Variants in SLC30A6 observed in about 807,000 individuals in gnomAD.
The protein encoded by SLC30A6 is zinc transporter 6.
A neutral mutation model predicts 63.0 loss-of-function variants in SLC30A6; 55 were observed. The ratio of observed to expected loss-of-function variants is 0.87; its 90% CI spans 0.70 to 1.09. The LOEUF (loss-of-function observed/expected upper bound fraction) is 1.09, where lower values mean the gene tolerates loss of function less well. SLC30A6 is among the 50% of genes least tolerant of loss of function. SLC30A6 has a pLI of 0.00. For missense variants in SLC30A6, 587 were observed against 549.2 expected, an observed-to-expected ratio of 1.07 and a Z score of -0.69; for synonymous variants, 224 against 186.1, an observed-to-expected ratio of 1.20 and a Z score of -1.66.
At chr2:32,187,195 T>A (rs1682913572) in intron 5 of SLC30A6, 1 of 470,968 alleles carries the variant, frequency 2.1e-6, no homozygotes, top group South Asian at 1.5e-5. Flanking sequence ...TCAGACCACT[T>A]TTCTCCACCA....
At chr2:32,219,810 G>A (rs970426640) in intron 13 of SLC30A6, among the ~76,000 whole-genome samples, 2 of 152,138 alleles carry the variant, frequency 1.3e-5, no homozygotes, top group African/African-American at 4.8e-5. Flanking sequence ...TTTTCCCTCA[G>A]TGTGGAATGC....
At chr2:32,206,525 A>G (rs1215742384) in intron 11 of SLC30A6, among the ~76,000 whole-genome samples, 1 of 152,022 alleles carries the variant, frequency 6.6e-6, no homozygotes, top group African/African-American at 2.4e-5. Flanking sequence ...CTTTTCCAAG[A>G]CTTAGGGCAG....
At chr2:32,186,443 C>G (rs373006746) in intron 5 of SLC30A6, among the ~76,000 whole-genome samples, 2 of 152,146 alleles carry the variant, frequency 1.3e-5, no homozygotes, top group Non-Finnish European at 2.9e-5. Flanking sequence ...CCCGGGACTT[C>G]GGGAGGCCAA....
chr2:32,204,889 C>T (rs1354212566), intron 11 of SLC30A6, among the ~76,000 whole-genome samples, 197 bp downstream of exon 11: 1 of 147,854 alleles, frequency 6.8e-6, no homozygotes, highest in African/African-American at 2.5e-5. Flanking sequence ...TCTCGGCTCA[C>T]TGCCGCCTTG....
intron 5 of SLC30A6, among the ~76,000 whole-genome samples, chr2:32,186,327 T>C (rs1682809616): frequency 6.6e-6 from 1 of 152,206 alleles, no homozygotes; most frequent in African/African-American, 2.4e-5. Context: ...ATCACTATGA[T>C]AATCAGTTGT....
At chr2:32,178,599 G>A (rs1212100126) in intron 4 of SLC30A6, among the ~76,000 whole-genome samples, 1 of 152,176 alleles carries the variant, frequency 6.6e-6, no homozygotes, top group Admixed American at 6.5e-5. Context: ...CTTGAACCTG[G>A]TGGGACAGAG....
intron 5 of SLC30A6, among the ~76,000 whole-genome samples, chr2:32,191,609 A>C (rs1190843871): frequency 2.0e-5 from 3 of 152,234 alleles, no homozygotes; most frequent in Non-Finnish European, 4.4e-5. Context: ...GCAGTATAAT[A>C]AGTGGTTAAA....
intron 7 of SLC30A6, 49 bp downstream of exon 7, chr2:32,193,002 A>G: frequency 8.6e-7 from 1 of 1,164,886 alleles, no homozygotes; most frequent in Non-Finnish European, 1.2e-6. Context: ...CTTAATTATT[A>G]ATTGATGTAT....
At chr2:32,205,120 T>C (rs945413199) in intron 11 of SLC30A6, among the ~76,000 whole-genome samples, 5 of 152,150 alleles carry the variant, frequency 3.3e-5, no homozygotes, top group African/African-American at 1.2e-4. Context: ...GTCATAATTT[T>C]TAATTACAAA....
intron 4 of SLC30A6, 81 bp downstream of exon 4, chr2:32,175,442 T>A: frequency 1.6e-6 from 2 of 1,223,410 alleles, no homozygotes; most frequent in Non-Finnish European, 2.3e-6. Flanking sequence ...AATTCAGCAA[T>A]AAAAACAGCA....
intron 10 of SLC30A6, among the ~76,000 whole-genome samples, chr2:32,200,527 T>C (rs890166747): frequency 6.6e-6 from 1 of 151,396 alleles, no homozygotes; most frequent in Non-Finnish European, 1.5e-5. Context: ...TCTTCTGCCT[T>C]GGGATCCTGT....
At chr2:32,182,642 A>G (rs1180543153) in intron 4 of SLC30A6, among the ~76,000 whole-genome samples, 1 of 152,122 alleles carries the variant, frequency 6.6e-6, no homozygotes, top group Non-Finnish European at 1.5e-5. Context: ...CCGTTGAGCT[A>G]TTTTCTTCCT....
intron 10 of SLC30A6, 128 bp from the exon 11 acceptor site, chr2:32,204,462 C>T (rs921172582): frequency 4.5e-6 from 2 of 444,646 alleles, no homozygotes; most frequent in South Asian, 9.1e-5. Context: ...CAAGTAGTGG[C>T]CAATTGTGAT....
At chr2:32,170,575 A>G (rs1347368406) in intron 1 of SLC30A6, among the ~76,000 whole-genome samples, 2 of 152,194 alleles carry the variant, frequency 1.3e-5, no homozygotes, top group Admixed American at 1.3e-4. Flanking sequence ...AGAGAATCTC[A>G]GGGGTTTTAC....
Position 32,175,303 on chromosome 2 carries a change from T to G in SLC30A6, c.176-16T>G. ...GGGTCAGTAATACTTTTAATCATTT[T>G]TTTGTTGTTTTGCAGCTTTAACTGC... On this transcript the variant is annotated splice_polypyrimidine_tract_variant and intron_variant, in intron 3 of 13. Transcript: ENST00000282587. 1 of 1,609,308 alleles carries G rather than the reference T, an allele frequency of 6.2e-7. No homozygotes were observed. The highest frequency in any genetic ancestry group is 8.5e-7 in the Non-Finnish European group (1 of 1,178,148).
intron 5 of SLC30A6, chr2:32,187,134 C>A (rs1269135505): frequency 3.2e-5 from 15 of 470,042 alleles, no homozygotes; most frequent in Non-Finnish European, 4.8e-5. Context: ...AGGACATTGT[C>A]ATTTTTTTGC....
At chr2:32,201,636 C>A in intron 10 of SLC30A6, 4 of 1,515,394 alleles carry the variant, frequency 2.6e-6, no homozygotes, top group Non-Finnish European at 3.6e-6. Flanking sequence ...CATTATGGAA[C>A]TGGAAGCACC....
At chr2:32,197,062 A>G (rs1331075600) in intron 8 of SLC30A6, among the ~76,000 whole-genome samples, 1 of 152,206 alleles carries the variant, frequency 6.6e-6, no homozygotes, top group Non-Finnish European at 1.5e-5. Flanking sequence ...CTCCATCTCA[A>G]AAGAAAAAGT....
intron 1 of SLC30A6, among the ~76,000 whole-genome samples, chr2:32,167,078 TTTG>T (rs775919508): frequency 3.9e-5 from 6 of 152,258 alleles, no homozygotes; most frequent in Admixed American, 6.5e-5. Flanking sequence ...AGCCTCTTTT[TTTG>T]TTGTTGTTTT....
Sources: allele counts gnomAD v4.1 joint callset (sites outside exome capture counted in the v4.1 genomes callset), GRCh38; gene constraint gnomAD v4.1.1; transcripts MANE v1.5; gene names NCBI Gene and HGNC (gene_info 2026-07-23, HGNC 2026-07-21).